Variants in CRYBG1 observed in about 807,000 individuals in gnomAD.
CRYBG1 encodes the protein beta/gamma crystallin domain-containing protein 1.
CRYBG1 carries 139 observed loss-of-function variants against 189.2 expected under a neutral mutation model. The ratio of observed to expected loss-of-function variants is 0.73; its 90% CI spans 0.64 to 0.85. CRYBG1 has a LOEUF of 0.85. Among genes scored for constraint, CRYBG1 ranks in the 40% least tolerant of loss-of-function variants. The probability of loss-of-function intolerance (pLI) is 0.00; values close to 1 mark genes in which losing one functional copy is unlikely to be tolerated. For synonymous variants in CRYBG1, 1,023 were observed against 1,017.1 expected, an observed-to-expected ratio of 1.01 and a Z score of -0.11; for missense variants, 2,611 against 2,675.8, an observed-to-expected ratio of 0.98 and a Z score of 0.53.
At chr6:106,545,014 G>A in intron 13 of CRYBG1, 81 bp downstream of exon 13, 1 of 1,153,868 alleles carries the variant, frequency 8.7e-7, no homozygotes, top group Non-Finnish European at 1.2e-6. Context: ...CTATCACAGA[G>A]TAGGCATTCA....
intron 2 of CRYBG1, among the ~76,000 whole-genome samples, chr6:106,489,176 C>T (rs1330759207): frequency 3.3e-5 from 5 of 152,138 alleles, no homozygotes; most frequent in Non-Finnish European, 7.4e-5. Context: ...TCCTTACTCC[C>T]CTTTCTATGG....
chr6:106,415,674 C>T lies in CRYBG1; in HGVS notation c.174-36020C>T, dbSNP rs1477356368. On this transcript the variant is annotated intron_variant, in intron 1 of 21. Transcript: ENST00000633556. ...CTGGGAGGCGGAGGTTGCAGTGAGCCATGATCATACCACTGCACTCCAGCC... is the reference window on the plus strand; with the variant it reads ...CTGGGAGGCGGAGGTTGCAGTGAGCTATGATCATACCACTGCACTCCAGCC... 2.6e-5 allele frequency among the ~76,000 whole-genome samples: 4 copies of T among 151,940 alleles called. No individual in the cohort carries two copies. In the South Asian group the frequency reaches 8.3e-4, roughly 32 times the overall value.
At chr6:106,564,132 C>T (rs563828569) in intron 21 of CRYBG1, among the ~76,000 whole-genome samples, 14 of 152,066 alleles carry the variant, frequency 9.2e-5, no homozygotes, top group Non-Finnish European at 1.8e-4. Flanking sequence ...CCTACATTAT[C>T]CCCTCTCCCT....
At chr6:106,516,027 G>A (rs1397170098) in intron 3 of CRYBG1, among the ~76,000 whole-genome samples, 10 of 151,976 alleles carry the variant, frequency 6.6e-5, no homozygotes, top group Admixed American at 6.6e-4. Flanking sequence ...CTGGGTTCAA[G>A]TGATCCACCT....
intron 1 of CRYBG1, among the ~76,000 whole-genome samples, chr6:106,424,131 CTTCTT>C (rs1015621354): frequency 2.0e-5 from 3 of 152,102 alleles, no homozygotes; most frequent in Non-Finnish European, 4.4e-5. Context: ...AGTAATTTAA[CTTCTT>C]TTAACTAGCA....
At chr6:106,396,958 G>A in intron 1 of CRYBG1, among the ~76,000 whole-genome samples, 1 of 152,220 alleles carries the variant, frequency 6.6e-6, no homozygotes, top group South Asian at 2.1e-4. Flanking sequence ...GGGATTACAG[G>A]CATGAGCCAC....
chr6:106,372,759 A>T (rs1770065586), intron 1 of CRYBG1, among the ~76,000 whole-genome samples: 1 of 152,340 alleles, frequency 6.6e-6, no homozygotes, highest in African/African-American at 2.4e-5. Flanking sequence ...AAGACAAGGG[A>T]CATGAACAAT....
At position 106,568,497 on chromosome 6, in the gene CRYBG1, C is replaced by T; in HGVS notation, c.6327C>T (p.His2109=). 1 of 1,613,924 alleles carries T rather than the reference C, an allele frequency of 6.2e-7. No individual in the cohort carries two copies. Among genetic ancestry groups the T allele is most frequent in the Non-Finnish European group, 8.5e-7 (1 of 1,179,768 alleles). Residue 2109 remains histidine, a synonymous_variant, in exon 22 of 22, where the codon CAC becomes CAT. Transcript: ENST00000633556. ...IKGGTQYDQN[H]IILNTVSKEK... ...GGGGCACACAGTATGATCAAAATCA[C>T]ATTATCCTCAACACTGTCAGCAAAG...
chr6:106,377,354 G>C (rs1318224591), intron 1 of CRYBG1, among the ~76,000 whole-genome samples: 2 of 152,122 alleles, frequency 1.3e-5, no homozygotes, highest in Admixed American at 6.5e-5. Flanking sequence ...ACTTAAAGGA[G>C]ACACAAAGCA....
At chr6:106,414,569 A>G (rs1770987963) in intron 1 of CRYBG1, among the ~76,000 whole-genome samples, 1 of 152,228 alleles carries the variant, frequency 6.6e-6, no homozygotes, top group Admixed American at 6.5e-5. Context: ...CAGTGAGTAG[A>G]CTGGGAGTGG....
chr6:106,471,364 A>G (rs1281639455), intron 2 of CRYBG1, among the ~76,000 whole-genome samples: 1 of 152,176 alleles, frequency 6.6e-6, no homozygotes, highest in African/African-American at 2.4e-5. Flanking sequence ...ATGAAAATAG[A>G]GCACATGTAC....
At chr6:106,458,557 A>G (rs146359690) in intron 2 of CRYBG1, among the ~76,000 whole-genome samples, 30 of 152,322 alleles carry the variant, frequency 2.0e-4, no homozygotes, top group African/African-American at 7.0e-4. Context: ...CTGGAACATT[A>G]TTTATAAATT....
intron 1 of CRYBG1, among the ~76,000 whole-genome samples, chr6:106,416,173 C>A (rs1278233730): frequency 6.6e-6 from 1 of 152,210 alleles, no homozygotes. Flanking sequence ...TCTCTGTCCC[C>A]AGATTCCAGA....
chr6:106,557,551 C>T (rs113438350), intron 17 of CRYBG1, among the ~76,000 whole-genome samples: 5 of 152,156 alleles, frequency 3.3e-5, no homozygotes, highest in African/African-American at 1.2e-4. Context: ...GCTGGGATTA[C>T]AAGCATGCAC....
intron 1 of CRYBG1, among the ~76,000 whole-genome samples, chr6:106,406,871 A>T (rs1770836481): frequency 6.6e-6 from 1 of 152,092 alleles, no homozygotes; most frequent in Non-Finnish European, 1.5e-5. Flanking sequence ...CTGCCTTATA[A>T]GAGCTGAAGG....
chr6:106,555,891 A>G lies in CRYBG1; in HGVS notation c.5709A>G (p.Ile1903Met). Residue 1903 changes from isoleucine to methionine, a missense_variant, in exon 17 of 22, where the codon ATA (isoleucine) becomes ATG (methionine). This residue lies in a region of CRYBG1 where 1,622 missense variants were observed against 1,735.0 expected (regional missense o/e 0.93). Coordinates refer to ENST00000633556, the MANE Select transcript of CRYBG1 (RefSeq NM_001371242.2). ...PGATFKSLRFIDVEFSEPTII... is the reference protein window; with the variant it reads ...PGATFKSLRFMDVEFSEPTII... ...CAACTTTCAAGTCTCTTCGTTTTAT[A>G]GATGTTGTAAGTATGTCATTGTGAA... The G allele has an allele frequency of 6.2e-7, 1 of 1,614,162 alleles. No individual in the cohort carries two copies. Among genetic ancestry groups the G allele is most frequent in the Non-Finnish European group, 8.5e-7 (1 of 1,180,006 alleles).
intron 1 of CRYBG1, among the ~76,000 whole-genome samples, chr6:106,404,316 T>C: frequency 6.6e-6 from 1 of 152,222 alleles, no homozygotes; most frequent in Admixed American, 6.5e-5. Context: ...GAAAAATTAA[T>C]TAGGATTATA....
chr6:106,557,028 T>C (rs979136286), intron 17 of CRYBG1, among the ~76,000 whole-genome samples: 6 of 152,242 alleles, frequency 3.9e-5, no homozygotes, highest in African/African-American at 1.4e-4. Context: ...CATCTTTTTA[T>C]GTTTTAATTG....
At chr6:106,375,022 G>A (rs749935503) in intron 1 of CRYBG1, among the ~76,000 whole-genome samples, 7 of 152,022 alleles carry the variant, frequency 4.6e-5, no homozygotes, top group Non-Finnish European at 1.0e-4. Flanking sequence ...AGGTGGGGGG[G>A]GCATAACCTT....
Sources: gnomAD v4.1 joint callset for allele counts (sites outside exome capture counted in the v4.1 genomes callset) on GRCh38, gnomAD v4.1.1 for gene constraint, gnomAD v4.1.1 regional missense constraint, MANE v1.5 for transcripts, NCBI Gene and HGNC (gene_info 2026-07-23, HGNC 2026-07-21) for gene names.